Variants in MIR2052HG observed in about 807,000 individuals in gnomAD.
MIR2052HG encodes the protein MIR2052 host gene.
At chr8:74,651,331 T>C (rs941904656) in intron 2 of MIR2052HG, among the ~76,000 whole-genome samples, 18 of 152,162 alleles carry the variant, frequency 1.2e-4, no homozygotes, top group African/African-American at 4.3e-4. Context: ...GGAGTTCCAC[T>C]ATATTGCAAG....
intron 4 of MIR2052HG, among the ~76,000 whole-genome samples, chr8:74,717,036 A>G (rs533608200): frequency 1.3e-5 from 2 of 152,146 alleles, no homozygotes; most frequent in South Asian, 4.1e-4. Context: ...TCCAGGATAC[A>G]TGTTCAGGTT....
At chr8:74,687,588 T>C (rs1290572857) in intron 2 of MIR2052HG, among the ~76,000 whole-genome samples, 2 of 151,628 alleles carry the variant, frequency 1.3e-5, no homozygotes, top group South Asian at 2.1e-4. Context: ...CGCAGAGGGG[T>C]GAATATACTG....
intron 4 of MIR2052HG, among the ~76,000 whole-genome samples, chr8:74,746,215 T>C (rs957079142): frequency 6.6e-6 from 1 of 152,148 alleles, no homozygotes; most frequent in Non-Finnish European, 1.5e-5. Flanking sequence ...TGCAAAAAAA[T>C]GAAACAGTTG....
At chr8:74,719,182 G>A (rs1178729930) in intron 4 of MIR2052HG, among the ~76,000 whole-genome samples, 1 of 151,332 alleles carries the variant, frequency 6.6e-6, no homozygotes, top group Non-Finnish European at 1.5e-5. Flanking sequence ...TTTGAGTGCT[G>A]CTCCATCCTA....
intron 2 of MIR2052HG, among the ~76,000 whole-genome samples, chr8:74,624,092 G>A (rs1213058436): frequency 6.6e-6 from 1 of 152,150 alleles, no homozygotes; most frequent in Non-Finnish European, 1.5e-5. Flanking sequence ...TTTACCAAGA[G>A]AACTAATATA....
intron 4 of MIR2052HG, among the ~76,000 whole-genome samples, chr8:74,719,380 A>T (rs542853176): frequency 3.4e-4 from 52 of 152,326 alleles, no homozygotes; most frequent in African/African-American, 1.2e-3. Flanking sequence ...GTGATTATCC[A>T]ATCTTGCTGG....
At chr8:74,723,324 A>G (rs1440959101) in intron 4 of MIR2052HG, among the ~76,000 whole-genome samples, 2 of 152,234 alleles carry the variant, frequency 1.3e-5, no homozygotes, top group African/African-American at 4.8e-5. Flanking sequence ...GGCAAGCCAA[A>G]TTGATGGAAT....
At chr8:74,628,621 A>G (rs534372286) in intron 2 of MIR2052HG, among the ~76,000 whole-genome samples, 1 of 152,300 alleles carries the variant, frequency 6.6e-6, no homozygotes, top group Admixed American at 6.5e-5. Context: ...TTCAGGCTCT[A>G]AAGTACTTAG....
chr8:74,680,823 A>T (rs1586912288), intron 2 of MIR2052HG, among the ~76,000 whole-genome samples: 2 of 151,620 alleles, frequency 1.3e-5, no homozygotes, highest in South Asian at 2.1e-4. Context: ...CAAATGTCCA[A>T]CAATGATAGA....
At chr8:74,729,523 A>G (rs1228781428) in intron 4 of MIR2052HG, among the ~76,000 whole-genome samples, 1 of 152,186 alleles carries the variant, frequency 6.6e-6, no homozygotes, top group Non-Finnish European at 1.5e-5. Context: ...ATCATGGCTA[A>G]CAACAATAAA....
chr8:74,736,386 C>T (rs188505592), intron 4 of MIR2052HG, among the ~76,000 whole-genome samples: 2 of 152,220 alleles, frequency 1.3e-5, no homozygotes, highest in Admixed American at 6.5e-5. Flanking sequence ...AAGAGCCATA[C>T]AAAATTTATC....
chr8:74,740,261 C>T (rs1466028316), intron 4 of MIR2052HG, among the ~76,000 whole-genome samples: 1 of 152,056 alleles, frequency 6.6e-6, no homozygotes, highest in Admixed American at 6.6e-5. Context: ...GTCAGGAGTT[C>T]GAGACCAGCC....
intron 4 of MIR2052HG, among the ~76,000 whole-genome samples, chr8:74,735,878 T>C (rs1170293437): frequency 1.3e-5 from 2 of 152,212 alleles, no homozygotes; most frequent in African/African-American, 4.8e-5. Flanking sequence ...ACATCTCTCT[T>C]AGTGCAACAC....
intron 1 of MIR2052HG, among the ~76,000 whole-genome samples, chr8:74,602,183 C>G (rs188127311): frequency 2.9e-3 from 446 of 152,266 alleles, no homozygotes; most frequent in Non-Finnish European, 4.9e-3. Context: ...CTGGCCAAAA[C>G]CTGCCAAAAC....
intron 2 of MIR2052HG, among the ~76,000 whole-genome samples, chr8:74,636,152 G>C (rs946743085): frequency 3.3e-5 from 5 of 152,114 alleles, no homozygotes; most frequent in African/African-American, 1.2e-4. Context: ...CTCAGTGTCC[G>C]AAAATAATTG....
chr8:74,662,214 A>G (rs1808872776), intron 2 of MIR2052HG, among the ~76,000 whole-genome samples: 1 of 152,174 alleles, frequency 6.6e-6, no homozygotes, highest in Admixed American at 6.5e-5. Flanking sequence ...TCAGAAGTTG[A>G]CTTGAATAGA....
intron 2 of MIR2052HG, among the ~76,000 whole-genome samples, chr8:74,613,442 A>T (rs1314669689): frequency 6.6e-6 from 1 of 152,174 alleles, no homozygotes; most frequent in Non-Finnish European, 1.5e-5. Context: ...CACTAAACTG[A>T]ATGGGATGGA....
chr8:74,703,659 A>G (rs1563535681), exon 4 of MIR2052HG: 1 of 452,462 alleles, frequency 2.2e-6, no homozygotes, highest in Non-Finnish European at 4.4e-6. Flanking sequence ...AATGTTCTGG[A>G]GTGATTTATC....
chr8:74,610,903 A>G (rs1383800206), intron 1 of MIR2052HG, among the ~76,000 whole-genome samples: 2 of 152,076 alleles, frequency 1.3e-5, no homozygotes, highest in African/African-American at 4.8e-5. Context: ...TCTCTAGAAG[A>G]AAACATAGGA....
Sources: gnomAD v4.1 joint callset for allele counts (sites outside exome capture counted in the v4.1 genomes callset) on GRCh38, gnomAD v4.1.1 for gene constraint, MANE v1.5 for transcripts, NCBI Gene and HGNC (gene_info 2026-07-23, HGNC 2026-07-21) for gene names.